FLII: variants seen among roughly 807,000 people sequenced by gnomAD.
FLII encodes the protein protein flightless-1 homolog.
FLII carries 101 observed loss-of-function variants against 156.2 expected under a neutral mutation model. The observed-to-expected ratio is 0.65, with a 90% CI of 0.55 to 0.76. The LOEUF (loss-of-function observed/expected upper bound fraction) is 0.76. Among genes scored for constraint, FLII ranks in the 30% least tolerant of loss-of-function variants. The probability of loss-of-function intolerance (pLI) is 0.00; values close to 1 mark genes in which losing one functional copy is unlikely to be tolerated. For missense variants in FLII, 1,675 were observed against 1,682.8 expected (o/e 1.00, Z 0.08); for synonymous variants, 767 against 685.8 (o/e 1.12, Z -1.85).
chr17:18,254,674 G>T lies in FLII; in HGVS notation c.422C>A (p.Thr141Asn), dbSNP rs761570037. The change falls in exon 6 of 30, where the codon ACC (threonine) becomes AAC (asparagine). Residue 141 changes from threonine to asparagine, a missense_variant. Thr to Asn is a moderately conservative substitution (Grantham distance 65). This residue lies in a region of FLII where 343 missense variants were observed against 413.5 expected (regional missense o/e 0.83). Transcript: ENST00000327031. ...VLNLSHNSID[T>N]IPNQLFINLT... ...GTTGATGAAGAGCTGGTTGGGGATG[G>T]TGTCGATGCTACGGGTGGGGAGCAG... is the stretch of plus-strand genomic sequence containing the variant. 8.7e-6 allele frequency: 14 copies of T among 1,613,818 alleles called. No individual in the cohort carries two copies. The South Asian group carries it at 1.4e-4, about 16-fold the overall frequency.
intron 13 of FLII, 81 bp from the exon 14 acceptor site, chr17:18,251,098 G>A: frequency 4.0e-6 from 6 of 1,491,374 alleles, no homozygotes; most frequent in Non-Finnish European, 4.5e-6. Flanking sequence ...AACAGCACAG[G>A]CTTCCCAGCC....
intron 2 of FLII, 119 bp from the exon 3 acceptor site, chr17:18,256,716 T>C (rs949326252): frequency 1.7e-5 from 16 of 924,714 alleles, no homozygotes; most frequent in Non-Finnish European, 2.5e-5. Flanking sequence ...CAACTACCCC[T>C]GCAGCTTCCC....
Position 18,256,498 on chromosome 17 carries a change from G to T in FLII, c.246+28C>A, listed in dbSNP as rs1023452477. 6.5e-6 allele frequency: 10 copies of T among 1,544,098 alleles called. No homozygotes were observed. In the African/African-American group the frequency reaches 1.4e-4, roughly 21 times the overall value. On this transcript the variant is annotated intron_variant, in intron 3 of 29. Transcript: ENST00000327031. ...GACCGGACCTTGGCCCCAACCCCAA[G>T]CTCGGTGGCCTCCCGGCCAGCACTC...
chr17:18,252,329 G>A (rs1266526693), intron 10 of FLII, 143 bp downstream of exon 10: 22 of 892,814 alleles, frequency 2.5e-5, no homozygotes, highest in Non-Finnish European at 3.9e-5. Context: ...TACTCTGGAT[G>A]CAGGGAGGTG....
chr17:18,251,288 C>T lies in FLII; in HGVS notation c.1573G>A (p.Ala525Thr). 6.2e-7 allele frequency: 1 copy of T among 1,613,980 alleles called. No homozygotes were observed. The highest frequency in any genetic ancestry group is 8.5e-7 in the Non-Finnish European group (1 of 1,180,020). ...ACCTTGAGCACAATGTAGCAGTCAG[C>T]CTCGTAGAACTTGCCGTGGAAGGCT... Reference protein sequence around the residue: ...EEAFHGKFYEADCYIVLKTFL... With the variant: ...EEAFHGKFYETDCYIVLKTFL... The change falls in exon 13 of 30, where the codon GCT (alanine) becomes ACT (threonine). Residue 525 changes from alanine to threonine, a missense_variant. Transcript: ENST00000327031.
In FLII at chr17:18,249,395, T is replaced by A. The variant is rs761125815; in HGVS notation, c.1790A>T (p.Asp597Val). The A allele has an allele frequency of 3.1e-6, 5 of 1,614,056 alleles. No homozygotes were observed. Among genetic ancestry groups the A allele is most frequent in the Admixed American group, 1.7e-5 (1 of 60,024 alleles). ...TGTTCCACCCTCAATGTAGGAGATGTCGTTGTCAAACACCTGTGTGTGTGA... is the reference window on the plus strand; with the variant it reads ...TGTTCCACCCTCAATGTAGGAGATGACGTTGTCAAACACCTGTGTGTGTGA... Reference protein sequence around the residue: ...SEEFLQVFDNDISYIEGGTAS... With the variant: ...SEEFLQVFDNVISYIEGGTAS... The change falls in exon 15 of 30, where the codon GAC becomes GTC. Residue 597 changes from aspartate to valine, a missense_variant. This residue lies in a region of FLII where 1,332 missense variants were observed against 1,269.3 expected (regional missense o/e 1.05). Coordinates refer to ENST00000327031, the MANE Select transcript of FLII (RefSeq NM_002018.4).
Position 18,254,558 on chromosome 17 carries a change from C to G in FLII, c.538G>C (p.Val180Leu), listed in dbSNP as rs762944013. Reference sequence around the variant, plus strand: ...TGCAGCAGGGGGTTTCCATTGAGCACGAGCGTCTGCAGGTGCACCAGGCGG... The same window carrying G: ...TGCAGCAGGGGGTTTCCATTGAGCAGGAGCGTCTGCAGGTGCACCAGGCGG... ...MRRLVHLQTL[V>L]LNGNPLLHAQ... is the part of the protein sequence containing the mutation. The change falls in exon 6 of 30, where the codon GTG becomes CTG. Residue 180 changes from valine to leucine, a missense_variant. Physicochemically the swap from Val to Leu is conservative, Grantham distance 32. Around this residue, in one of 2 missense-constraint regions of FLII, gnomAD observed 343 missense variants for 413.5 expected, o/e 0.83. Coordinates refer to ENST00000327031, the MANE Select transcript of FLII (RefSeq NM_002018.4). The G allele has an allele frequency of 6.2e-7, 1 of 1,613,086 alleles. No individual in the cohort carries two copies. The highest frequency in any genetic ancestry group is 1.1e-5 in the South Asian group (1 of 91,026).
At position 18,256,947 on chromosome 17, in the gene FLII, A is replaced by C. The variant is rs1346924096; in HGVS notation, c.136T>G (p.Cys46Gly). 1.9e-6 allele frequency: 3 copies of C among 1,611,942 alleles called. No individual in the cohort carries two copies. The highest frequency in any genetic ancestry group is 2.5e-6 in the Non-Finnish European group (3 of 1,179,330). Residue 46 changes from cysteine (C) to glycine (G), a missense_variant, in exon 2 of 30, where the codon TGC becomes GGC. Coordinates refer to ENST00000327031, the MANE Select transcript of FLII (RefSeq NM_002018.4). ...RWLKLNRTGL[C>G]YLPEELAALQ... ...GCGGCCAGCTCCTCGGGCAGGTAGC[A>C]GAGGCCAGTGCGGTTCAGCTTCAGC...
chr17:18,253,687 C>T lies in FLII; in HGVS notation c.712G>A (p.Val238Met). The T allele has an allele frequency of 6.2e-7, 1 of 1,613,176 alleles. No homozygotes were observed. The highest frequency in any genetic ancestry group is 8.5e-7 in the Non-Finnish European group (1 of 1,179,876). The change falls in exon 8 of 30, where the codon GTG becomes ATG. Residue 238 changes from valine to methionine, a missense_variant. Val to Met is a conservative substitution (Grantham distance 21). This residue lies in a region of FLII where 343 missense variants were observed against 413.5 expected (regional missense o/e 0.83). Transcript: ENST00000327031. ...VDLSCNDLTR[V>M]PECLYTLPSL... ...GGGAGGGTGTACAGACACTCGGGCA[C>T]CCGTGTCAGGTCATTGCAGGACAGA...
intron 3 of FLII, 51 bp downstream of exon 3, chr17:18,256,475 C>T (rs371536868): frequency 2.0e-5 from 29 of 1,453,262 alleles, no homozygotes; most frequent in Non-Finnish European, 2.7e-5. Flanking sequence ...ACGTCCCTGA[C>T]CGGACCTTGG....
intron 21 of FLII, 42 bp downstream of exon 21, chr17:18,247,127 C>T: frequency 1.4e-6 from 1 of 738,028 alleles, no homozygotes; most frequent in African/African-American, 2.2e-5. Context: ...CGGCCTGCCC[C>T]CCACCCCCCC....
In FLII at chr17:18,254,575, A is replaced by T. The variant is rs1293964652; in HGVS notation, c.521T>A (p.Val174Glu). ...ATTGAGCACGAGCGTCTGCAGGTGC[A>T]CCAGGCGGCGCATCTGCGGGGGCAG... ...ESLPPQMRRL[V>E]HLQTLVLNGN... Residue 174 changes from valine (V) to glutamate (E), a missense_variant, in exon 6 of 30, where the codon GTG (valine) becomes GAG (glutamate). Val to Glu is a moderately radical substitution (Grantham distance 121). This residue lies in a region of FLII where 343 missense variants were observed against 413.5 expected (regional missense o/e 0.83). Transcript: ENST00000327031. 1.2e-6 allele frequency: 2 copies of T among 1,613,536 alleles called. No homozygotes were observed. The highest frequency in any genetic ancestry group is 1.7e-6 in the Non-Finnish European group (2 of 1,179,918).
At chr17:18,254,496 G>T in intron 6 of FLII, 25 bp downstream of exon 6, 2 of 1,586,804 alleles carry the variant, frequency 1.3e-6, no homozygotes, top group Non-Finnish European at 8.6e-7. Context: ...GCTTCTGCAG[G>T]AGTGCGGTCC....
chr17:18,247,516 AG>A (rs772891170), intron 20 of FLII, 140 bp downstream of exon 20: 4 of 1,039,460 alleles, frequency 3.8e-6, no homozygotes, highest in East Asian at 5.1e-5. Flanking sequence ...CAGCTTGCAG[AG>A]GGGGCGGGGC....
intron 4 of FLII, 51 bp from the exon 5 acceptor site, chr17:18,254,905 C>T (rs781206539): frequency 3.2e-6 from 5 of 1,580,302 alleles, no homozygotes; most frequent in Middle Eastern, 1.7e-4. Flanking sequence ...CCCCACCAGG[C>T]GTCTGCCAAG....
chr17:18,255,618 A>T (rs939129283), intron 3 of FLII, among the ~76,000 whole-genome samples: 1 of 152,172 alleles, frequency 6.6e-6, no homozygotes, highest in Admixed American at 6.5e-5. Flanking sequence ...ACCACAGAGA[A>T]ATCAGAATCT....
intron 14 of FLII, among the ~76,000 whole-genome samples, chr17:18,249,930 C>T (rs994824343): frequency 2.0e-5 from 3 of 151,720 alleles, no homozygotes; most frequent in Admixed American, 2.0e-4. Context: ...ACCAGCCTGG[C>T]CAACATGGCA....
At position 18,251,334 on chromosome 17, in the gene FLII, G is replaced by A. The variant is rs772485703; in HGVS notation, c.1527C>T (p.Phe509=). Residue 509 remains phenylalanine (F), a synonymous_variant, in exon 13 of 30, where the codon TTC becomes TTT. Transcript: ENST00000327031. The stretch of plus-strand genomic sequence containing the variant: ...AGGCTTCCTCCACCAGCACAGGCAC[G>A]AAGTTCTCTATCTGCCAGATGGTCA... ...PGLTIWQIEN[F]VPVLVEEAFH... is the part of the protein sequence containing the mutation. 1.1e-5 allele frequency: 18 copies of A among 1,613,806 alleles called. No homozygotes were observed. The highest frequency in any genetic ancestry group is 3.3e-5 in the Admixed American group (2 of 60,006).
Position 18,247,145 on chromosome 17 carries a change from CCCCGGT to C in FLII, c.2676+18_2676+23del. On this transcript the variant is annotated intron_variant, in intron 21 of 29. Coordinates refer to ENST00000327031, the MANE Select transcript of FLII (RefSeq NM_002018.4). ...CCTGCCCCCCACCCCCCCCCCCGCG[CCCCGGT>C]CCCGGCCCTGCCCCCACCTCGGCCA... 7.1e-7 allele frequency: 1 copy of C among 1,417,894 alleles called. No individual in the cohort carries two copies. The highest frequency in any genetic ancestry group is 1.4e-5 in the South Asian group (1 of 73,802). The allele number at this position is 1,417,894 out of a possible 1,614,324, so 87.8% of individuals were successfully genotyped here. A position where few individuals can be genotyped will look rare whatever the true frequency, so the allele number is the denominator to read the frequency against.
Sources: allele counts gnomAD v4.1 joint callset (sites outside exome capture counted in the v4.1 genomes callset), GRCh38; gene constraint gnomAD v4.1.1; regional missense constraint gnomAD v4.1.1; transcripts MANE v1.5; gene names NCBI Gene and HGNC (gene_info 2026-07-23, HGNC 2026-07-21).